Variants in LRRC37A2 observed in about 807,000 individuals in gnomAD.
The protein encoded by LRRC37A2 is leucine rich repeat containing 37 member A2, also known as leucine-rich repeat-containing protein 37A2.
LRRC37A2 carries 9 observed loss-of-function variants against 68.8 expected under a neutral mutation model. The ratio of observed to expected loss-of-function variants is 0.13; its 90% CI spans 0.08 to 0.23. The LOEUF (loss-of-function observed/expected upper bound fraction) is 0.23. Among genes scored for constraint, LRRC37A2 ranks in the 10% least tolerant of loss-of-function variants. LRRC37A2 has a pLI of 1.00. For synonymous variants in LRRC37A2, 63 were observed against 367.6 expected, an observed-to-expected ratio of 0.17 and a Z score of 9.48; for missense variants, 168 against 950.4, an observed-to-expected ratio of 0.18 and a Z score of 10.82.
the LRRC37A2 span, among the ~76,000 whole-genome samples, chr17:46,994,051 C>T: frequency 1.3e-5 from 2 of 152,200 alleles, no homozygotes; most frequent in Non-Finnish European, 2.9e-5. Context: ...TGGTTCTCAA[C>T]ATTGACTATA....
chr17:46,830,425 A>G, the LRRC37A2 span, among the ~76,000 whole-genome samples: 1 of 151,822 alleles, frequency 6.6e-6, no homozygotes, highest in South Asian at 2.1e-4. Context: ...CTAACTTTTT[A>G]TTATTTTTAG....
At chr17:46,970,535 C>CAA in the LRRC37A2 span, among the ~76,000 whole-genome samples, 82 of 51,172 alleles carry the variant, frequency 1.6e-3, no homozygotes, top group African/African-American at 3.7e-3. Flanking sequence ...GACTCCATCT[C>CAA]AAAAAAAAAA....
chr17:46,833,408 G>T, the LRRC37A2 span: 3 of 518,114 alleles, frequency 5.8e-6, no homozygotes, highest in Non-Finnish European at 1.2e-5. Context: ...CCAGTCCTGG[G>T]AGCCTTACCA....
chr17:46,685,317 G>T, the LRRC37A2 span, among the ~76,000 whole-genome samples: 2 of 148,928 alleles, frequency 1.3e-5, no homozygotes, highest in African/African-American at 2.5e-5. Context: ...TTTCCAGTTC[G>T]ATATTAATTA....
chr17:46,849,680 A>C, the LRRC37A2 span, among the ~76,000 whole-genome samples: 1 of 152,204 alleles, frequency 6.6e-6, no homozygotes, highest in African/African-American at 2.4e-5. Context: ...GGTGGCATGA[A>C]GTCAGCCATG....
chr17:46,795,784 T>C, the LRRC37A2 span, among the ~76,000 whole-genome samples: 1 of 152,142 alleles, frequency 6.6e-6, no homozygotes, highest in African/African-American at 2.4e-5. Flanking sequence ...GTCATGAAGG[T>C]GCTAGTAACC....
chr17:46,876,809 C>T, the LRRC37A2 span: 1 of 1,449,668 alleles, frequency 6.9e-7, no homozygotes, highest in Non-Finnish European at 9.1e-7. Flanking sequence ...AGACTGTCAT[C>T]ACATGCATGC....
At chr17:46,783,637 C>T in the LRRC37A2 span, among the ~76,000 whole-genome samples, 125,926 of 152,186 alleles carry the variant, frequency 0.83, 52,361 homozygotes, top group East Asian at 1. Context: ...AGAGGGTGCA[C>T]GGTCAGGGCG....
the LRRC37A2 span, among the ~76,000 whole-genome samples, chr17:46,470,669 A>G: frequency 2.5e-5 from 2 of 79,162 alleles, 1 homozygote; most frequent in African/African-American, 7.9e-5. Flanking sequence ...ATAAAAATAA[A>G]TTTTAAAACT....
At chr17:46,449,714 T>G in the LRRC37A2 span, among the ~76,000 whole-genome samples, 1 of 101,260 alleles carries the variant, frequency 9.9e-6, no homozygotes, top group East Asian at 2.4e-4. Flanking sequence ...ATGTACTTTT[T>G]ATATGAAATG....
chr17:46,768,345 A>G, the LRRC37A2 span: 1 of 1,613,774 alleles, frequency 6.2e-7, no homozygotes, highest in Non-Finnish European at 8.5e-7. This position sits in a 1 kb window ranked among gnomAD's most constrained non-coding sequence, Gnocchi z 5.0. Context: ...CACGTCGTAG[A>G]TGCGAATACA....
the LRRC37A2 span, among the ~76,000 whole-genome samples, chr17:46,861,567 G>A: frequency 6.6e-6 from 1 of 152,164 alleles, no homozygotes; most frequent in Non-Finnish European, 1.5e-5. Flanking sequence ...AGAGAGCAGA[G>A]ACTTATCCCC....
the LRRC37A2 span, among the ~76,000 whole-genome samples, chr17:46,947,549 T>C: frequency 6.6e-6 from 1 of 152,154 alleles, no homozygotes; most frequent in African/African-American, 2.4e-5. Flanking sequence ...CTGGACATGA[T>C]CTTTTTAGGT....
chr17:46,467,081 C>A, the LRRC37A2 span, among the ~76,000 whole-genome samples: 1 of 63,934 alleles, frequency 1.6e-5, no homozygotes, highest in Non-Finnish European at 3.2e-5. Flanking sequence ...CGTAAAAATC[C>A]TAAAAAAAAC....
At chr17:46,866,974 C>G in the LRRC37A2 span, among the ~76,000 whole-genome samples, 3 of 152,222 alleles carry the variant, frequency 2.0e-5, no homozygotes, top group Non-Finnish European at 2.9e-5. Flanking sequence ...CTTGCCTCCT[C>G]CTCACCCCCA....
chr17:46,882,945 C>G, the LRRC37A2 span, among the ~76,000 whole-genome samples: 18 of 152,112 alleles, frequency 1.2e-4, no homozygotes, highest in South Asian at 1.0e-3. Flanking sequence ...CTCATACTCC[C>G]CTCTGGGCAA....
At chr17:46,921,784 T>C in the LRRC37A2 span, among the ~76,000 whole-genome samples, 1 of 152,132 alleles carries the variant, frequency 6.6e-6, no homozygotes, top group African/African-American at 2.4e-5. Context: ...CACAATGAGA[T>C]ACCATCTCAC....
At chr17:46,878,284 G>A in the LRRC37A2 span, among the ~76,000 whole-genome samples, 3 of 152,220 alleles carry the variant, frequency 2.0e-5, no homozygotes, top group Non-Finnish European at 4.4e-5. Flanking sequence ...CACCAACACA[G>A]GAAATTTCAG....
At chr17:46,613,128 A>G in the LRRC37A2 span, among the ~76,000 whole-genome samples, 8 of 44,138 alleles carry the variant, frequency 1.8e-4, no homozygotes, top group African/African-American at 5.4e-4. Flanking sequence ...AATTGTTTTA[A>G]TTACCTGGGT....
Sources: allele counts gnomAD v4.1 joint callset (sites outside exome capture counted in the v4.1 genomes callset), GRCh38; gene constraint gnomAD v4.1.1; non-coding constraint Gnocchi (gnomAD v3.1); transcripts MANE v1.5; gene names NCBI Gene and HGNC (gene_info 2026-07-23, HGNC 2026-07-21).